Variants in C7 observed in about 807,000 individuals in gnomAD.
The protein encoded by C7 is complement component C7.
C7 carries 83 observed loss-of-function variants against 104.8 expected under a neutral mutation model. The ratio of observed to expected loss-of-function variants is 0.79; its 90% confidence interval spans 0.66 to 0.95. C7 has a LOEUF of 0.95. C7 is among the 40% of genes least tolerant of loss of function. C7 has a pLI of 0.00. For synonymous variants in C7, 415 were observed against 360.6 expected (o/e 1.15, Z -1.71); for missense variants, 1,070 against 1,011.2 (o/e 1.06, Z -0.79).
intron 9 of C7, among the ~76,000 whole-genome samples, chr5:40,954,296 T>C (rs1740239966): frequency 6.6e-6 from 1 of 152,182 alleles, no homozygotes; most frequent in Admixed American, 6.6e-5. Flanking sequence ...ATTTCCTATA[T>C]ACAATTAGTA....
chr5:40,920,852 C>A (rs1444369305), intron 1 of C7, among the ~76,000 whole-genome samples: 1 of 152,058 alleles, frequency 6.6e-6, no homozygotes, highest in Admixed American at 6.6e-5. Context: ...AGTTTGAGAC[C>A]AGCCTGCCCA....
intron 14 of C7, among the ~76,000 whole-genome samples, chr5:40,971,047 C>A (rs551163882): frequency 5.9e-5 from 9 of 152,170 alleles, no homozygotes; most frequent in Non-Finnish European, 2.9e-5. Context: ...AATAAACATA[C>A]GTGTGCATGT....
chr5:40,959,331 A>G, intron 11 of C7, 118 bp from the exon 12 acceptor site: 3 of 853,728 alleles, frequency 3.5e-6, no homozygotes, highest in Non-Finnish European at 5.4e-6. Flanking sequence ...TGAAGAGTGA[A>G]GGTAATCAAT....
chr5:40,965,643 TA>T (rs66784007), intron 14 of C7, among the ~76,000 whole-genome samples: 2,555 of 78,944 alleles, frequency 0.032, 47 homozygotes, highest in African/African-American at 0.099. Context: ...TATATATATA[TA>T]TATATTTTTT....
intron 9 of C7, among the ~76,000 whole-genome samples, chr5:40,953,288 G>A (rs929048873): frequency 6.6e-6 from 1 of 152,080 alleles, no homozygotes; most frequent in African/African-American, 2.4e-5. Flanking sequence ...CAGAAGCTGG[G>A]GAGGAGGAGG....
intron 13 of C7, among the ~76,000 whole-genome samples, chr5:40,962,984 T>G (rs1740455018): frequency 6.6e-6 from 1 of 152,114 alleles, no homozygotes; most frequent in Non-Finnish European, 1.5e-5. Flanking sequence ...GTGTGTGTGT[T>G]TGTGTAGAGA....
At chr5:40,945,076 G>T in intron 6 of C7, 122 bp from the exon 7 acceptor site, 1 of 599,202 alleles carries the variant, frequency 1.7e-6, no homozygotes. Flanking sequence ...CTTAATGAGA[G>T]TCACAGTTGC....
intron 1 of C7, among the ~76,000 whole-genome samples, chr5:40,921,066 G>GTA (rs111297252): frequency 7.0e-6 from 1 of 143,866 alleles, no homozygotes; most frequent in Non-Finnish European, 1.5e-5. Flanking sequence ...AAAAAAAAAT[G>GTA]AAAGACTACA....
intron 6 of C7, among the ~76,000 whole-genome samples, chr5:40,942,755 A>G (rs1739966264): frequency 1.3e-5 from 2 of 148,824 alleles, no homozygotes; most frequent in African/African-American, 5.0e-5. Context: ...CAGTTGTGCG[A>G]TTTTCTTTCT....
chr5:40,916,817 A>G lies in C7; in HGVS notation c.6+7201A>G, dbSNP rs112181137. ...ACATGATGTTATAAAATATGTATAT[A>G]TTGTAGAATGGCTCAATTGAGCTAA... On this transcript the variant is annotated intron_variant, in intron 1 of 17. Coordinates refer to ENST00000313164, the MANE Select transcript of C7 (RefSeq NM_000587.4). 7.4e-3 allele frequency among the ~76,000 whole-genome samples: 1,134 copies of G among 152,302 alleles called. 18 individuals carry two copies. Among genetic ancestry groups the G allele is most frequent in the African/African-American group, 0.026 (1,089 of 41,572 alleles).
At chr5:40,948,660 C>A (rs1318267655) in intron 8 of C7, among the ~76,000 whole-genome samples, 1 of 152,112 alleles carries the variant, frequency 6.6e-6, no homozygotes, top group East Asian at 1.9e-4. Context: ...ATGGTGGTGG[C>A]TTAACAACCA....
At chr5:40,962,257 T>C in intron 13 of C7, 85 bp downstream of exon 13, 1 of 771,910 alleles carries the variant, frequency 1.3e-6, no homozygotes, top group Non-Finnish European at 2.0e-6. Flanking sequence ...TCTTCCTCCA[T>C]GGTGAAGCCG....
chr5:40,976,889 G>T, intron 16 of C7, 49 bp downstream of exon 16: 1 of 1,379,028 alleles, frequency 7.3e-7, no homozygotes, highest in East Asian at 2.5e-5. Flanking sequence ...TTAATGATAA[G>T]GGATAATTTC....
intron 9 of C7, among the ~76,000 whole-genome samples, chr5:40,953,520 A>G (rs1740221861): frequency 6.6e-6 from 1 of 151,936 alleles, no homozygotes; most frequent in Admixed American, 6.6e-5. Flanking sequence ...GCACGCCTGT[A>G]GTCCCAGCTA....
At chr5:40,924,040 C>T (rs1739499461) in intron 1 of C7, among the ~76,000 whole-genome samples, 1 of 152,202 alleles carries the variant, frequency 6.6e-6, no homozygotes. Context: ...AGTCTTAACT[C>T]ATTCCAGCAT....
chr5:40,936,264 A>C (rs541136554), intron 4 of C7, 74 bp from the exon 5 acceptor site: 34 of 1,417,050 alleles, frequency 2.4e-5, no homozygotes, highest in Admixed American at 3.5e-5. Flanking sequence ...TAGCAGGAAA[A>C]CCCTTTTTGG....
At chr5:40,972,119 G>A in intron 14 of C7, 1 of 529,858 alleles carries the variant, frequency 1.9e-6, no homozygotes, top group Non-Finnish European at 3.5e-6. Context: ...AGTAGGCTGG[G>A]CATTAGGACT....
Position 40,951,868 on chromosome 5 carries a change from C to A in C7, c.1093+1854C>A, listed in dbSNP as rs754986269. Among the ~76,000 whole-genome samples the A allele has an allele frequency of 7.2e-5, 11 of 152,306 alleles. No individual in the cohort carries two copies. The Middle Eastern group carries it at 0.024, about 330-fold the overall frequency. ...AGTAGTAAAACCAGGTTTATGTACT[C>A]ATTCACTTGCTTCATTCATCAACTA... On this transcript the variant is annotated intron_variant, in intron 9 of 17. Coordinates refer to ENST00000313164, the MANE Select transcript of C7 (RefSeq NM_000587.4).
intron 9 of C7, among the ~76,000 whole-genome samples, chr5:40,953,998 A>T (rs1340536074): frequency 6.6e-6 from 1 of 152,164 alleles, no homozygotes; most frequent in Non-Finnish European, 1.5e-5. Context: ...AATGAAAACC[A>T]CTCAAAATCC....
Sources: allele counts gnomAD v4.1 joint callset (sites outside exome capture counted in the v4.1 genomes callset), GRCh38; gene constraint gnomAD v4.1.1; transcripts MANE v1.5; gene names NCBI Gene and HGNC (gene_info 2026-07-23, HGNC 2026-07-21).